GRIA1: variants seen among roughly 807,000 people sequenced by gnomAD.
GRIA1 encodes glutamate ionotropic receptor AMPA type subunit 1, also known as glutamate receptor 1.
Under a neutral mutation model 99.2 loss-of-function variants are expected in GRIA1, and 31 were observed. That is an observed-to-expected ratio of 0.31 (90% CI 0.23 to 0.42). GRIA1 has a LOEUF of 0.42. Ranked by LOEUF, GRIA1 falls within the 10% of genes least tolerant of loss-of-function variation. GRIA1 has a pLI of 1.00. For missense variants in GRIA1, 782 were observed against 1,157.5 expected (o/e 0.68, Z 4.71); for synonymous variants, 438 against 432.4 (o/e 1.01, Z -0.16).
chr5:153,735,039 C>A (rs116445147), intron 11 of GRIA1, among the ~76,000 whole-genome samples: 1 of 152,142 alleles, frequency 6.6e-6, no homozygotes, highest in South Asian at 2.1e-4. Flanking sequence ...CTAATGGGTA[C>A]AGGCTAGTGA....
intron 2 of GRIA1, among the ~76,000 whole-genome samples, chr5:153,620,108 T>A (rs187931638): frequency 6.6e-6 from 1 of 152,298 alleles, no homozygotes; most frequent in South Asian, 2.1e-4. Context: ...GTGAATTAGA[T>A]GCAAATACAA....
intron 13 of GRIA1, among the ~76,000 whole-genome samples, chr5:153,771,721 A>G (rs1763895579): frequency 6.6e-6 from 1 of 152,266 alleles, no homozygotes; most frequent in Non-Finnish European, 1.5e-5. Flanking sequence ...GTGCAAGTTA[A>G]GAAATTCCTA....
chr5:153,641,295 A>T (rs1753763802), intron 2 of GRIA1, among the ~76,000 whole-genome samples: 1 of 152,146 alleles, frequency 6.6e-6, no homozygotes, highest in Non-Finnish European at 1.5e-5. Context: ...TGACAATAAA[A>T]AAGGAGTTGT....
intron 5 of GRIA1, among the ~76,000 whole-genome samples, chr5:153,672,303 A>C (rs542419501): frequency 6.6e-6 from 1 of 152,352 alleles, no homozygotes; most frequent in South Asian, 2.1e-4. Context: ...GCCTGCAGGT[A>C]GGCGGAGTAG....
At chr5:153,711,883 TTC>T (rs1759339524) in intron 11 of GRIA1, among the ~76,000 whole-genome samples, 1 of 152,160 alleles carries the variant, frequency 6.6e-6, no homozygotes, top group Admixed American at 6.5e-5. Context: ...GCTTTCAGAA[TTC>T]TCTCTTTTAT....
rs1245737975 is a variant in GRIA1, at chr5:153,810,936, G to C, written c.2521-89G>C. 1.7e-5 allele frequency: 15 copies of C among 897,768 alleles called. No individual in the cohort carries two copies. In the East Asian group the frequency reaches 3.6e-4, roughly 22 times the overall value. 55.6% of individuals were successfully genotyped at this position (897,768 alleles called of 1,614,324 possible). A position where few individuals can be genotyped will look rare whatever the true frequency, so the allele number is the denominator to read the frequency against. ...AGGGGGTGGATGGGAAAGCAGAGTT[G>C]GATTTACATTTGAAGTCCAGTCTTG... On this transcript the variant is annotated intron_variant, in intron 15 of 15. Coordinates refer to ENST00000285900, the MANE Select transcript of GRIA1 (RefSeq NM_000827.4).
intron 11 of GRIA1, among the ~76,000 whole-genome samples, chr5:153,711,070 T>C (rs1237169651): frequency 1.3e-5 from 2 of 152,132 alleles, no homozygotes; most frequent in Non-Finnish European, 2.9e-5. Flanking sequence ...ATGTCTGGCT[T>C]ACAGTGAATC....
chr5:153,591,780 GA>G (rs1353401739), intron 2 of GRIA1, among the ~76,000 whole-genome samples: 2 of 152,204 alleles, frequency 1.3e-5, no homozygotes, highest in Non-Finnish European at 2.9e-5. Flanking sequence ...CCTGCAGCAA[GA>G]ATGCCACACA....
intron 2 of GRIA1, among the ~76,000 whole-genome samples, chr5:153,548,202 T>C (rs1425101716): frequency 6.6e-6 from 1 of 152,174 alleles, no homozygotes; most frequent in African/African-American, 2.4e-5. Flanking sequence ...AGAATTCATG[T>C]TGTATTAGAC....
In GRIA1 at chr5:153,521,469, A is replaced by T. The variant is rs532210396; in HGVS notation, c.220+27404A>T. Among the ~76,000 whole-genome samples, 9 of 152,322 alleles carry T rather than the reference A, an allele frequency of 5.9e-5. No homozygotes were observed. In the East Asian group the frequency reaches 1.7e-3, roughly 29 times the overall value. Reference sequence around the variant, plus strand: ...GGCAGTCTGGGAGCCCTTTGACAGAACTACAGCTTCCACATCTGGCTCAGT... The same window carrying T: ...GGCAGTCTGGGAGCCCTTTGACAGATCTACAGCTTCCACATCTGGCTCAGT... On this transcript the variant is annotated intron_variant, in intron 2 of 15. Transcript: ENST00000285900.
intron 2 of GRIA1, among the ~76,000 whole-genome samples, chr5:153,538,957 C>T (rs911266384): frequency 1.3e-5 from 2 of 152,138 alleles, no homozygotes; most frequent in Admixed American, 6.6e-5. Context: ...GAAAACTACT[C>T]TTGGTTCTGT....
chr5:153,563,051 C>A (rs1300228920), intron 2 of GRIA1, among the ~76,000 whole-genome samples: 1 of 151,892 alleles, frequency 6.6e-6, no homozygotes, highest in Non-Finnish European at 1.5e-5. Flanking sequence ...TGGCAGGCGC[C>A]TGTAATCCCA....
At chr5:153,579,982 G>A (rs1762908810) in intron 2 of GRIA1, among the ~76,000 whole-genome samples, 1 of 152,178 alleles carries the variant, frequency 6.6e-6, no homozygotes, top group African/African-American at 2.4e-5. Context: ...TTTGATCCAT[G>A]TAGCCTAGCC....
At chr5:153,725,834 G>C (rs1030665136) in intron 11 of GRIA1, among the ~76,000 whole-genome samples, 1 of 135,678 alleles carries the variant, frequency 7.4e-6, no homozygotes, top group Admixed American at 7.6e-5. Flanking sequence ...AGATCAACGA[G>C]ACAGAAAATT....
At chr5:153,701,805 C>T (rs1171436617) in intron 10 of GRIA1, among the ~76,000 whole-genome samples, 1 of 151,878 alleles carries the variant, frequency 6.6e-6, no homozygotes, top group East Asian at 1.9e-4. Context: ...TTGGAGGCTT[C>T]CAAATTTATT....
rs1004692376 is a variant in GRIA1 at position 153,770,951 on chromosome 5, G to C, written c.2270+536G>C. Among the ~76,000 whole-genome samples the C allele has an allele frequency of 5.9e-5, 9 of 152,306 alleles. No individual in the cohort carries two copies. In the South Asian group the frequency reaches 1.2e-3, roughly 21 times the overall value. Reference sequence around the variant, plus strand: ...TAATTATAGCACCTATTCTTACCTAGAGACTGATTTATTTAGCAAGATATA... The same window carrying C: ...TAATTATAGCACCTATTCTTACCTACAGACTGATTTATTTAGCAAGATATA... On this transcript the variant is annotated intron_variant, in intron 13 of 15. Coordinates refer to ENST00000285900, the MANE Select transcript of GRIA1 (RefSeq NM_000827.4).
chr5:153,696,685 G>T (rs960765342), intron 8 of GRIA1, among the ~76,000 whole-genome samples: 1 of 152,214 alleles, frequency 6.6e-6, no homozygotes, highest in Non-Finnish European at 1.5e-5. Flanking sequence ...CTGAGTTCTG[G>T]CTGTTGATAG....
At chr5:153,605,886 C>T (rs1318065929) in intron 2 of GRIA1, among the ~76,000 whole-genome samples, 1 of 152,132 alleles carries the variant, frequency 6.6e-6, no homozygotes, top group Non-Finnish European at 1.5e-5. Flanking sequence ...TTCTTCCTTT[C>T]CATAGCTTGC....
At chr5:153,609,853 G>A (rs914247478) in intron 2 of GRIA1, among the ~76,000 whole-genome samples, 4 of 152,062 alleles carry the variant, frequency 2.6e-5, no homozygotes, top group South Asian at 2.1e-4. Flanking sequence ...GAGCCACCGA[G>A]CCCAGCCCAG....
Sources: gnomAD v4.1 joint callset for allele counts (sites outside exome capture counted in the v4.1 genomes callset) on GRCh38, gnomAD v4.1.1 for gene constraint, MANE v1.5 for transcripts, NCBI Gene and HGNC (gene_info 2026-07-23, HGNC 2026-07-21) for gene names.